ZNF367: variants seen among roughly 807,000 people sequenced by gnomAD.
ZNF367 encodes C2H2 zinc finger protein ZFF29.
A neutral mutation model predicts 31.8 loss-of-function variants in ZNF367; 11 were observed. The ratio of observed to expected loss-of-function variants is 0.35; its 90% confidence interval spans 0.22 to 0.57. The LOEUF is 0.57. Ranked by LOEUF, ZNF367 falls within the 20% of genes least tolerant of loss-of-function variation. The pLI is 0.85. For missense variants in ZNF367, 353 were observed against 484.1 expected, an observed-to-expected ratio of 0.73 and a Z score of 2.54; for synonymous variants, 199 against 202.4, an observed-to-expected ratio of 0.98 and a Z score of 0.14.
At position 96,417,444 on chromosome 9, in the gene ZNF367, C is replaced by CCT. The variant is rs67746769; in HGVS notation, c.420+168_420+169insAG. 0.3 allele frequency among the ~76,000 whole-genome samples: 44,685 copies of CCT among 150,832 alleles called. 8,965 individuals are homozygous for CCT. The highest frequency in any genetic ancestry group is 0.58 in the African/African-American group (23,759 of 41,122). ...CCGCCTGTCACGTGACAGGCCCCCCCCGACTGGGGCCGGTTTTTGGCGCGC... is the reference window on the plus strand; with the variant it reads ...CCGCCTGTCACGTGACAGGCCCCCCCCTCGACTGGGGCCGGTTTTTGGCGCGC... On this transcript the variant is annotated intron_variant, in intron 1 of 4. Transcript: ENST00000375256. The surrounding 1 kb of genome is among the most constrained non-coding windows in gnomAD (Gnocchi z 5.0).
intron 2 of ZNF367, 117 bp from the exon 3 acceptor site, chr9:96,395,059 A>C: frequency 5.2e-6 from 6 of 1,147,098 alleles, no homozygotes; most frequent in Non-Finnish European, 7.4e-6. Flanking sequence ...AAAACATGTC[A>C]TGGCCCCTAC....
chr9:96,398,280 G>A lies in ZNF367; in HGVS notation c.455C>T (p.Thr152Ile), dbSNP rs371783422. Reference sequence around the variant, plus strand: ...TCCTTCATTTATTAAATCGCGGACAGTATCTGCTCTGGGCCTACCACGTCG... The same window carrying A: ...TCCTTCATTTATTAAATCGCGGACAATATCTGCTCTGGGCCTACCACGTCG... ...GIRRGRPRAD[T>I]VRDLINEGEH... The change falls in exon 2 of 5, where the codon ACT becomes ATT. Residue 152 changes from threonine (T) to isoleucine (I), a missense_variant. By Grantham distance (89) the Thr-to-Ile change is moderately conservative. Coordinates refer to ENST00000375256, the MANE Select transcript of ZNF367 (RefSeq NM_153695.4). The A allele has an allele frequency of 1.2e-6, 2 of 1,613,428 alleles. No homozygotes were observed. Among genetic ancestry groups the A allele is most frequent in the African/African-American group, 2.7e-5 (2 of 74,840 alleles).
chr9:96,389,966 C>T (rs539036199), intron 4 of ZNF367, among the ~76,000 whole-genome samples: 7 of 138,376 alleles, frequency 5.1e-5, no homozygotes, highest in African/African-American at 1.9e-4. Flanking sequence ...AGTGTAATGA[C>T]GGGATTTTAC....
At chr9:96,392,657 T>C (rs1831485820) in intron 3 of ZNF367, 121 bp from the exon 4 acceptor site, 2 of 1,383,052 alleles carry the variant, frequency 1.4e-6, no homozygotes, top group South Asian at 2.9e-5. Flanking sequence ...TTAGGATCTA[T>C]AATTTGGAGG....
chr9:96,415,018 T>C (rs1046695199), intron 1 of ZNF367, among the ~76,000 whole-genome samples: 3 of 151,918 alleles, frequency 2.0e-5, no homozygotes, highest in Non-Finnish European at 2.9e-5. Context: ...AACTTATAAA[T>C]GGTTAACACA....
At chr9:96,414,621 G>T (rs1438729251) in intron 1 of ZNF367, among the ~76,000 whole-genome samples, 2 of 152,090 alleles carry the variant, frequency 1.3e-5, no homozygotes, top group Non-Finnish European at 2.9e-5. Context: ...GGGACTACAG[G>T]GGTGTGCCAC....
intron 1 of ZNF367, among the ~76,000 whole-genome samples, chr9:96,415,221 AT>A (rs775576212): frequency 0.17 from 22,045 of 128,860 alleles, 1,826 homozygotes; most frequent in Admixed American, 0.27. Flanking sequence ...CCCCTGGCCA[AT>A]TTTTTTTTTT....
intron 2 of ZNF367, 108 bp from the exon 3 acceptor site, chr9:96,395,050 A>G: frequency 8.0e-7 from 1 of 1,250,982 alleles, no homozygotes. Flanking sequence ...AATAACAATA[A>G]AACATGTCAT....
At chr9:96,405,292 C>T (rs1313548186) in intron 1 of ZNF367, among the ~76,000 whole-genome samples, 1 of 141,472 alleles carries the variant, frequency 7.1e-6, no homozygotes, top group Non-Finnish European at 1.5e-5. Flanking sequence ...TCCAGCCTGG[C>T]CAACTAAGCA....
In ZNF367 at chr9:96,392,395, G is replaced by A. The variant is rs781130521; in HGVS notation, c.830+3C>T. ...ACGGTGGACTAAAGGCAGCATTCCTGACCTCGCCAGCCACTCGGCCGCGGC... is the reference window on the plus strand; with the variant it reads ...ACGGTGGACTAAAGGCAGCATTCCTAACCTCGCCAGCCACTCGGCCGCGGC... On this transcript the variant is annotated splice_donor_region_variant and intron_variant, in intron 4 of 4. Coordinates refer to ENST00000375256, the MANE Select transcript of ZNF367 (RefSeq NM_153695.4). 1.9e-6 allele frequency: 3 copies of A among 1,614,174 alleles called. No homozygotes were observed. Among genetic ancestry groups the A allele is most frequent in the Admixed American group, 3.3e-5 (2 of 60,026 alleles).
At chr9:96,402,444 C>CTTTTTTTTTTT (rs1174997133) in intron 1 of ZNF367, among the ~76,000 whole-genome samples, 109 of 66,078 alleles carry the variant, frequency 1.6e-3, no homozygotes, top group East Asian at 2.3e-3. Flanking sequence ...TTCTTTCTTT[C>CTTTTTTTTTTT]TTTTTTTTTT....
rs1831410083 is a variant in ZNF367 at position 96,386,443 on chromosome 9, A to G, written c.*1794T>C. Reference sequence around the variant, plus strand: ...TTTAGTTCATTAAATCACATATTTGAGAGCAAAAATTCTAGAGGAAATGCT... The same window carrying G: ...TTTAGTTCATTAAATCACATATTTGGGAGCAAAAATTCTAGAGGAAATGCT... On this transcript the variant is annotated 3_prime_UTR_variant, in exon 5 of 5. Coordinates refer to ENST00000375256, the MANE Select transcript of ZNF367 (RefSeq NM_153695.4). The G allele has an allele frequency of 6.6e-6, 1 of 152,162 alleles. No individual in the cohort carries two copies. The highest frequency in any genetic ancestry group is 2.4e-5 in the African/African-American group (1 of 41,452). 9.4% of individuals were successfully genotyped at this position (152,162 alleles called of 1,614,324 possible).
intron 1 of ZNF367, among the ~76,000 whole-genome samples, chr9:96,412,932 A>T (rs1432085898): frequency 6.6e-6 from 1 of 152,112 alleles, no homozygotes; most frequent in African/African-American, 2.4e-5. Flanking sequence ...TCCTGGCCTC[A>T]AGTGATCCAT....
chr9:96,400,475 A>G (rs1205768744), intron 1 of ZNF367, among the ~76,000 whole-genome samples: 3 of 151,774 alleles, frequency 2.0e-5, no homozygotes, highest in African/African-American at 7.2e-5. Flanking sequence ...CAAACAGAAA[A>G]CCAACAAAGA....
Position 96,392,651 on chromosome 9 carries a change from G to C in ZNF367, c.692-115C>G, listed in dbSNP as rs116829439. 1.3e-3 allele frequency: 1,886 copies of C among 1,418,998 alleles called. 18 individuals are homozygous for C. The African/African-American group carries it at 0.023, about 17-fold the overall frequency. 87.9% of individuals were successfully genotyped at this position (1,418,998 alleles called of 1,614,324 possible). On this transcript the variant is annotated intron_variant, in intron 3 of 4. Coordinates refer to ENST00000375256, the MANE Select transcript of ZNF367 (RefSeq NM_153695.4). ...AGTAAATTAATATGGTGAAATTTAG[G>C]ATCTATAATTTGGAGGAGAAAACAA...
chr9:96,397,833 T>C (rs1831550216), intron 2 of ZNF367, among the ~76,000 whole-genome samples: 1 of 152,150 alleles, frequency 6.6e-6, no homozygotes, highest in South Asian at 2.1e-4. Context: ...GGCTCACGCC[T>C]GTAATCCCAG....
At chr9:96,404,494 G>GTAGTCCC (rs1831647192) in intron 1 of ZNF367, among the ~76,000 whole-genome samples, 1 of 151,972 alleles carries the variant, frequency 6.6e-6, no homozygotes, top group Non-Finnish European at 1.5e-5. Context: ...TCGGGAGGCT[G>GTAGTCCC]AGGCAGGAGA....
intron 3 of ZNF367, among the ~76,000 whole-genome samples, chr9:96,393,994 C>T (rs1286841525): frequency 6.6e-6 from 1 of 152,144 alleles, no homozygotes. Flanking sequence ...TTCAAATATA[C>T]TGTAACTGCA....
intron 1 of ZNF367, among the ~76,000 whole-genome samples, chr9:96,403,481 CTTTT>C (rs906657659): frequency 4.0e-5 from 6 of 150,928 alleles, no homozygotes; most frequent in African/African-American, 1.5e-4. Context: ...GGTTTTTTTT[CTTTT>C]TTTTTCTTGC....
Sources: allele counts gnomAD v4.1 joint callset (sites outside exome capture counted in the v4.1 genomes callset), GRCh38; gene constraint gnomAD v4.1.1; non-coding constraint Gnocchi (gnomAD v3.1); transcripts MANE v1.5; gene names NCBI Gene and HGNC (gene_info 2026-07-23, HGNC 2026-07-21).